PLEKHG1: variants seen among roughly 807,000 people sequenced by gnomAD.
The protein encoded by PLEKHG1 is pleckstrin homology and RhoGEF domain containing G1, also known as pleckstrin homology domain-containing family G member 1.
PLEKHG1 carries 44 observed loss-of-function variants against 100.8 expected under a neutral mutation model. The ratio of observed to expected loss-of-function variants is 0.44; its 90% CI spans 0.34 to 0.56. PLEKHG1 has a LOEUF of 0.56. Ranked by LOEUF, PLEKHG1 falls within the 20% of genes least tolerant of loss-of-function variation. PLEKHG1 has a pLI of 0.01. For missense variants in PLEKHG1, 1,545 were observed against 1,720.9 expected (o/e 0.90, Z 1.81); for synonymous variants, 640 against 662.5 (o/e 0.97, Z 0.52).
intron 3 of PLEKHG1, among the ~76,000 whole-genome samples, chr6:150,693,768 A>G (rs1233178146): frequency 3.2e-4 from 49 of 152,220 alleles, no homozygotes; most frequent in Non-Finnish European, 5.9e-5. Flanking sequence ...TCATGCACCA[A>G]TCATGCATAA....
At chr6:150,737,336 G>A (rs547305122) in intron 2 of PLEKHG1, among the ~76,000 whole-genome samples, 1 of 144,796 alleles carries the variant, frequency 6.9e-6, no homozygotes. Flanking sequence ...CCAGGCTGGA[G>A]TGCGGAGTGC....
intron 6 of PLEKHG1, among the ~76,000 whole-genome samples, chr6:150,803,528 A>G (rs1043357722): frequency 6.6e-6 from 1 of 152,186 alleles, no homozygotes; most frequent in African/African-American, 2.4e-5. Context: ...TATGTGCTCA[A>G]AAGAACTAGA....
At chr6:150,630,764 A>C (rs546129412) in intron 1 of PLEKHG1, among the ~76,000 whole-genome samples, 2 of 152,174 alleles carry the variant, frequency 1.3e-5, no homozygotes, top group African/African-American at 4.8e-5. Context: ...GGGCTAGATG[A>C]GGTATCAGAG....
chr6:150,696,344 G>A (rs1000106163), intron 3 of PLEKHG1, among the ~76,000 whole-genome samples: 1 of 152,168 alleles, frequency 6.6e-6, no homozygotes, highest in East Asian at 1.9e-4. Flanking sequence ...GAAGCCCAAA[G>A]CCACTTCAGG....
chr6:150,705,526 C>T (rs939941722), intron 3 of PLEKHG1, among the ~76,000 whole-genome samples: 14 of 152,254 alleles, frequency 9.2e-5, no homozygotes, highest in Non-Finnish European at 1.5e-4. Context: ...TGAGCCCAGT[C>T]GCCCCACCTG....
chr6:150,676,916 T>C (rs1779775536), intron 3 of PLEKHG1, among the ~76,000 whole-genome samples: 1 of 151,874 alleles, frequency 6.6e-6, no homozygotes, highest in African/African-American at 2.4e-5. Flanking sequence ...CCCTCCCTCC[T>C]CCCTCTCCTT....
At chr6:150,745,026 C>T (rs1783078395) in intron 2 of PLEKHG1, among the ~76,000 whole-genome samples, 2 of 152,120 alleles carry the variant, frequency 1.3e-5, no homozygotes, top group African/African-American at 4.8e-5. Flanking sequence ...ATCAGTCCTG[C>T]AGTAATGCAG....
At chr6:150,733,278 C>T (rs1364570973) in intron 1 of PLEKHG1, among the ~76,000 whole-genome samples, 1 of 152,138 alleles carries the variant, frequency 6.6e-6, no homozygotes, top group Non-Finnish European at 1.5e-5. Flanking sequence ...ACTTTTGAGA[C>T]AACAGGTCTA....
chr6:150,605,525 C>A (rs921131691), intron 1 of PLEKHG1: 1 of 152,126 alleles, frequency 6.6e-6, no homozygotes, highest in African/African-American at 2.4e-5. Context: ...CATTCCAGAG[C>A]GTTTATTGAG....
intron 1 of PLEKHG1, among the ~76,000 whole-genome samples, chr6:150,619,931 A>G (rs186569984): frequency 2.0e-4 from 31 of 152,314 alleles, no homozygotes; most frequent in African/African-American, 5.8e-4. Flanking sequence ...GTTTGAGGGC[A>G]TAAATTGATG....
chr6:150,632,134 C>T (rs551178695), intron 1 of PLEKHG1, among the ~76,000 whole-genome samples: 4 of 152,232 alleles, frequency 2.6e-5, no homozygotes, highest in South Asian at 2.1e-4. Context: ...ATGTGCATGT[C>T]GTAATGTTCA....
intron 2 of PLEKHG1, among the ~76,000 whole-genome samples, chr6:150,758,718 A>T (rs1317572106): frequency 6.6e-6 from 1 of 152,168 alleles, no homozygotes; most frequent in Non-Finnish European, 1.5e-5. Flanking sequence ...TTCTCTAATG[A>T]TCAGTGGTGT....
upstream of PLEKHG1, among the ~76,000 whole-genome samples, chr6:150,716,092 AGC>A (rs1407254652): frequency 4.1e-5 from 5 of 121,640 alleles, no homozygotes; most frequent in Non-Finnish European, 8.6e-5. Flanking sequence ...TGGGCGACAG[AGC>A]GAGACTCCGT....
In PLEKHG1 at chr6:150,830,223, G is replaced by T. The variant is rs549401420; in HGVS notation, c.1471-359G>T. Among the ~76,000 whole-genome samples the T allele has an allele frequency of 2.3e-4, 35 of 152,256 alleles. 1 individual carries two copies. In the South Asian group the frequency reaches 7.3e-3, roughly 32 times the overall value. ...ATACCTAATTTCATAAAATGATTGT[G>T]AATATTAAGTTTGGAGAATGTCTGC... On this transcript the variant is annotated intron_variant, in intron 14 of 15. Transcript: ENST00000358517.
intron 3 of PLEKHG1, among the ~76,000 whole-genome samples, chr6:150,712,440 A>G (rs904747486): frequency 6.6e-6 from 1 of 152,224 alleles, no homozygotes; most frequent in African/African-American, 2.4e-5. Context: ...CAAATAATAC[A>G]TATTCATTAA....
intron 4 of PLEKHG1, among the ~76,000 whole-genome samples, chr6:150,794,911 A>G (rs1168258309): frequency 1.3e-5 from 2 of 152,170 alleles, no homozygotes; most frequent in Non-Finnish European, 2.9e-5. Context: ...AGTTGAGGTT[A>G]ACAGGAAGGA....
intron 3 of PLEKHG1, among the ~76,000 whole-genome samples, chr6:150,774,349 T>A (rs1180131537): frequency 1.3e-5 from 2 of 152,148 alleles, no homozygotes; most frequent in Admixed American, 1.3e-4. Context: ...AATTTTATTG[T>A]GAATATTGAG....
chr6:150,659,864 G>A (rs1779115069), intron 3 of PLEKHG1, among the ~76,000 whole-genome samples: 1 of 152,196 alleles, frequency 6.6e-6, no homozygotes, highest in African/African-American at 2.4e-5. Flanking sequence ...ACGGACTAAA[G>A]TAATTTGAAG....
intron 3 of PLEKHG1, among the ~76,000 whole-genome samples, chr6:150,653,386 T>C (rs976393365): frequency 6.6e-6 from 1 of 151,942 alleles, no homozygotes; most frequent in Non-Finnish European, 1.5e-5. Flanking sequence ...CCACCTGTGT[T>C]ATAGGTCAGG....
Sources: gnomAD v4.1 joint callset for allele counts (sites outside exome capture counted in the v4.1 genomes callset) on GRCh38, gnomAD v4.1.1 for gene constraint, MANE v1.5 for transcripts, NCBI Gene and HGNC (gene_info 2026-07-23, HGNC 2026-07-21) for gene names.